Variants in FASTKD5 observed in about 807,000 individuals in gnomAD.
The protein encoded by FASTKD5 is FAST kinase domains 5, also known as non-canonical pre-mRNAs endonuclease FASTKD5, mitochondrial.
Under a neutral mutation model 44.0 loss-of-function variants are expected in FASTKD5, and 30 were observed. The observed-to-expected ratio is 0.68, with a 90% CI of 0.51 to 0.93. The LOEUF (loss-of-function observed/expected upper bound fraction) is 0.93, where lower values mean the gene tolerates loss of function less well. FASTKD5 is among the 40% of genes least tolerant of loss of function. The pLI, the probability that FASTKD5 is intolerant of heterozygous loss-of-function variation, is 0.00. For synonymous variants in FASTKD5, 335 were observed against 342.2 expected (o/e 0.98, Z 0.23); for missense variants, 868 against 908.2 (o/e 0.96, Z 0.57).
At chr20:3,156,354 T>G (rs187918439) in intron 1 of FASTKD5, among the ~76,000 whole-genome samples, 1 of 152,068 alleles carries the variant, frequency 6.6e-6, no homozygotes, top group East Asian at 1.9e-4. Flanking sequence ...TTTTTTGTAT[T>G]TTTTGGTAGA....
chr20:3,147,085 A>G lies in FASTKD5; in HGVS notation c.1986T>C (p.Ala662=), dbSNP rs753866233. The stretch of plus-strand genomic sequence containing the variant: ...TGCAAAGGAAGCCCCCCAGAGGTAC[A>G]GCTGCCTTATTCTCCAACTCCATGG... ...QQPMELENKA[A]VPLGGFLCNV... is the part of the protein sequence containing the mutation. Residue 662 remains alanine (A), a synonymous_variant, in exon 2 of 2, where the codon GCT becomes GCC. Coordinates refer to ENST00000380266, the MANE Select transcript of FASTKD5 (RefSeq NM_021826.5). 4 of 1,614,132 alleles carry G rather than the reference A, an allele frequency of 2.5e-6. No homozygotes were observed. Among genetic ancestry groups the G allele is most frequent in the Non-Finnish European group, 3.4e-6 (4 of 1,180,040 alleles).
chr20:3,147,440 A>G lies in FASTKD5; in HGVS notation c.1631T>C (p.Leu544Ser). Residue 544 changes from leucine to serine, a missense_variant, in exon 2 of 2, where the codon TTG (leucine) becomes TCG (serine). Leu to Ser is a moderately radical substitution (Grantham distance 145). Coordinates refer to ENST00000380266, the MANE Select transcript of FASTKD5 (RefSeq NM_021826.5). ...ATCCTTCTCTGCTAAATACCACAGC[A>G]ATTCAGACCCCTCTTGCTGAAGGTG... ...STHLQQEGSE[L>S]LWYLAEKDMN... The G allele has an allele frequency of 6.2e-7, 1 of 1,614,146 alleles. No homozygotes were observed. The highest frequency in any genetic ancestry group is 8.5e-7 in the Non-Finnish European group (1 of 1,180,032).
At chr20:3,157,883 A>C (rs914163479) in intron 1 of FASTKD5, among the ~76,000 whole-genome samples, 9 of 152,152 alleles carry the variant, frequency 5.9e-5, no homozygotes, top group Non-Finnish European at 1.2e-4. Flanking sequence ...CAAATAAAGA[A>C]GGAGTTTCAG....
chr20:3,146,982 G>A lies in FASTKD5; in HGVS notation c.2089C>T (p.Leu697=). The A allele has an allele frequency of 6.2e-7, 1 of 1,614,190 alleles. No homozygotes were observed. The highest frequency in any genetic ancestry group is 8.5e-7 in the Non-Finnish European group (1 of 1,180,042). ...TTCCTGTTTGTGAACTGAACAGCCA[G>A]CTTCATTCTTGGGGTCTGCATGCAG... ...AACMQTPRMK[L]AVQFTNRNQY... Residue 697 remains leucine (L), a synonymous_variant, in exon 2 of 2, where the codon CTG becomes TTG. Coordinates refer to ENST00000380266, the MANE Select transcript of FASTKD5 (RefSeq NM_021826.5).
rs1021791637 is a variant in FASTKD5 at position 3,146,580 on chromosome 20, T to G, written c.*196A>C. On this transcript the variant is annotated 3_prime_UTR_variant, in exon 2 of 2. Transcript: ENST00000380266. ...TTACTAAGAGTAACATGTATACATT[T>G]GCAGTAATTTGTACAATCCAACTAC... The G allele has an allele frequency of 1.7e-6, 1 of 592,506 alleles. No homozygotes were observed. Among genetic ancestry groups the G allele is most frequent in the African/African-American group, 1.9e-5 (1 of 53,868 alleles). 36.7% of individuals were successfully genotyped at this position (592,506 alleles called of 1,614,324 possible). A position where few individuals can be genotyped will look rare whatever the true frequency, so the allele number is the denominator to read the frequency against.
Position 3,149,085 on chromosome 20 carries a change from T to G in FASTKD5, c.-15A>C. ...GTAGCTGCCATTCTGGTGTCAGTAT[T>G]GATCTCTTTGGCAGTCAGAATACAG... On this transcript the variant is annotated 5_prime_UTR_variant, in exon 2 of 2. Transcript: ENST00000380266. The surrounding 1 kb of genome is among the most constrained non-coding windows in gnomAD (Gnocchi z 4.1). 1 of 1,596,032 alleles carries G rather than the reference T, an allele frequency of 6.3e-7. No homozygotes were observed. The highest frequency in any genetic ancestry group is 8.5e-7 in the Non-Finnish European group (1 of 1,170,732).
Position 3,159,077 on chromosome 20 carries a change from CCT to C in FASTKD5, c.-191+687_-191+688del, listed in dbSNP as rs142101244. ...GCTGATATGAGGGGACCCAAAGTTC[CCT>C]GAGTCAAGACAGAAGAGCTGTGTCA... On this transcript the variant is annotated intron_variant, in intron 1 of 1. Transcript: ENST00000380266. Among the ~76,000 whole-genome samples the C allele has an allele frequency of 4.0e-3, 616 of 152,234 alleles. 3 individuals are homozygous for C. The highest frequency in any genetic ancestry group is 0.014 in the African/African-American group (589 of 41,508).
At chr20:3,158,895 T>C (rs990221634) in intron 1 of FASTKD5, among the ~76,000 whole-genome samples, 7 of 152,204 alleles carry the variant, frequency 4.6e-5, no homozygotes, top group Non-Finnish European at 1.0e-4. Flanking sequence ...ATTCACAAAG[T>C]GTAGAAAACG....
chr20:3,152,757 AATTAGCTG>A (rs1208327676), intron 1 of FASTKD5, among the ~76,000 whole-genome samples: 2 of 151,226 alleles, frequency 1.3e-5, no homozygotes, highest in African/African-American at 4.9e-5. Context: ...AAAATACAAA[AATTAGCTG>A]GGCGTGGTAG....
intron 1 of FASTKD5, among the ~76,000 whole-genome samples, chr20:3,154,358 G>A (rs1001691367): frequency 1.3e-5 from 2 of 152,298 alleles, no homozygotes; most frequent in Admixed American, 6.5e-5. Flanking sequence ...ATTAATGCCA[G>A]GGAAGACAAA....
chr20:3,153,981 C>G (rs780725923), intron 1 of FASTKD5, among the ~76,000 whole-genome samples: 1 of 151,974 alleles, frequency 6.6e-6, no homozygotes, highest in Non-Finnish European at 1.5e-5. Context: ...GAATGCTCAA[C>G]CTGTACTTTA....
chr20:3,146,967 T>C lies in FASTKD5; in HGVS notation c.2104A>G (p.Thr702Ala), dbSNP rs146331272. The C allele has an allele frequency of 8.7e-6, 14 of 1,614,084 alleles. No homozygotes were observed. Among genetic ancestry groups the C allele is most frequent in the South Asian group, 1.1e-5 (1 of 91,084 alleles). ...CCATAGCAATACTGGTTCCTGTTTG[T>C]GAACTGAACAGCCAGCTTCATTCTT... Reference protein sequence around the residue: ...TPRMKLAVQFTNRNQYCYGSR... With the variant: ...TPRMKLAVQFANRNQYCYGSR... The change falls in exon 2 of 2, where the codon ACA becomes GCA. Residue 702 changes from threonine (T) to alanine (A), a missense_variant. By Grantham distance (58) the Thr-to-Ala change is moderately conservative. Coordinates refer to ENST00000380266, the MANE Select transcript of FASTKD5 (RefSeq NM_021826.5).
intron 1 of FASTKD5, among the ~76,000 whole-genome samples, chr20:3,150,293 A>T (rs1271431953): frequency 6.6e-6 from 1 of 152,132 alleles, no homozygotes; most frequent in Non-Finnish European, 1.5e-5. Flanking sequence ...CTGTCACTTC[A>T]CGGGTGGGAA....
intron 1 of FASTKD5, among the ~76,000 whole-genome samples, chr20:3,152,460 C>T (rs1462100544): frequency 6.6e-6 from 1 of 151,934 alleles, no homozygotes; most frequent in Admixed American, 6.6e-5. Context: ...TGAGATAGCG[C>T]CACTGCACTG....
In FASTKD5 at chr20:3,148,837, C is replaced by T. The variant is rs1310340655; in HGVS notation, c.234G>A (p.Leu78=). 6.2e-7 allele frequency: 1 copy of T among 1,614,190 alleles called. No homozygotes were observed. Among genetic ancestry groups the T allele is most frequent in the South Asian group, 1.1e-5 (1 of 91,078 alleles). The change falls in exon 2 of 2, where the codon TTG becomes TTA. Residue 78 remains leucine, a synonymous_variant. Transcript: ENST00000380266. The part of the protein sequence containing the change: ...ILTTSSAHPG[L]EFSKTSSSKA... ...TAGAGGAAGAAGTCTTGCTGAATTCCAAACCTGGGTGGGCACTGCTGGTTG... is the reference window on the plus strand; with the variant it reads ...TAGAGGAAGAAGTCTTGCTGAATTCTAAACCTGGGTGGGCACTGCTGGTTG...
At chr20:3,153,186 C>G (rs2066649260) in intron 1 of FASTKD5, among the ~76,000 whole-genome samples, 1 of 152,140 alleles carries the variant, frequency 6.6e-6, no homozygotes, top group Non-Finnish European at 1.5e-5. Flanking sequence ...CCTAAGAGTA[C>G]TTAATGAAAT....
At chr20:3,157,737 GCA>G (rs2066701289) in intron 1 of FASTKD5, among the ~76,000 whole-genome samples, 1 of 152,206 alleles carries the variant, frequency 6.6e-6, no homozygotes, top group African/African-American at 2.4e-5. Flanking sequence ...GTAGCTGCAT[GCA>G]CACAGTCGTC....
intron 1 of FASTKD5, among the ~76,000 whole-genome samples, chr20:3,152,538 G>C (rs1228249109): frequency 6.6e-6 from 1 of 151,978 alleles, no homozygotes; most frequent in Non-Finnish European, 1.5e-5. Context: ...TTCGAATTTG[G>C]AATTTAATTT....
chr20:3,149,056 G>C lies in FASTKD5; in HGVS notation c.15C>G (p.Leu5=). Residue 5 remains leucine (L), a synonymous_variant, in exon 2 of 2, where the codon CTC becomes CTG. Transcript: ENST00000380266. The surrounding 1 kb of genome is among the most constrained non-coding windows in gnomAD (Gnocchi z 4.1). MAAT[L]KSLKLVRYRA... ...GGTATCTTACAAGTTTTAATGACTT[G>C]AGAGTAGCTGCCATTCTGGTGTCAG... is the stretch of plus-strand genomic sequence containing the variant. 6.2e-7 allele frequency: 1 copy of C among 1,610,842 alleles called. No homozygotes were observed. The highest frequency in any genetic ancestry group is 8.5e-7 in the Non-Finnish European group (1 of 1,178,082).
Sources: allele counts gnomAD v4.1 joint callset (sites outside exome capture counted in the v4.1 genomes callset), GRCh38; gene constraint gnomAD v4.1.1; non-coding constraint Gnocchi (gnomAD v3.1); transcripts MANE v1.5; gene names NCBI Gene and HGNC (gene_info 2026-07-23, HGNC 2026-07-21).